The following CLPX variants were observed in gnomAD, a reference collection of about 807,000 sequenced individuals.
CLPX encodes the protein ATP-dependent clpX-like chaperone, mitochondrial.
Under a neutral mutation model 76.4 loss-of-function variants are expected in CLPX, and 34 were observed. That is an observed-to-expected ratio of 0.45 (90% confidence interval 0.34 to 0.59). CLPX has a LOEUF of 0.59. CLPX is among the 20% of genes least tolerant of loss of function. The pLI is 0.01. For synonymous variants in CLPX, 248 were observed against 270.9 expected (o/e 0.92, Z 0.83); for missense variants, 613 against 757.0 (o/e 0.81, Z 2.23).
At chr15:65,166,272 G>C (rs1424293636) in intron 4 of CLPX, among the ~76,000 whole-genome samples, 1 of 151,998 alleles carries the variant, frequency 6.6e-6, no homozygotes, top group East Asian at 1.9e-4. Context: ...GGCTAGTCAA[G>C]TGGACCAGCC....
rs1293903902 is a variant in CLPX at position 65,179,923 on chromosome 15, AT to A, written c.240+120del. The A allele has an allele frequency of 1.7e-5, 10 of 585,180 alleles. No homozygotes were observed. In the African/African-American group the frequency reaches 1.9e-4, roughly 11 times the overall value. The allele number at this position is 585,180 out of a possible 1,614,324, so 36.2% of individuals were successfully genotyped here. A position where few individuals can be genotyped will look rare whatever the true frequency, so the allele number is the denominator to read the frequency against. Reference sequence around the variant, plus strand: ...CTAATTACATAAAATTATTCAGATCATTTTAGCTATCTCATATTTCCTACAG... The same window carrying A: ...CTAATTACATAAAATTATTCAGATCATTTAGCTATCTCATATTTCCTACAG... On this transcript the variant is annotated intron_variant, in intron 2 of 13. Transcript: ENST00000300107.
chr15:65,183,047 C>A (rs916854440), intron 1 of CLPX, among the ~76,000 whole-genome samples: 9 of 151,914 alleles, frequency 5.9e-5, no homozygotes, highest in African/African-American at 2.2e-4. Flanking sequence ...CCTGTAACCC[C>A]AGCTTACTCA....
intron 3 of CLPX, among the ~76,000 whole-genome samples, chr15:65,169,024 C>CTT (rs779469503): frequency 3.0e-5 from 4 of 135,452 alleles, no homozygotes; most frequent in African/African-American, 8.1e-5. Flanking sequence ...CGCCTGCCTA[C>CTT]TTTTTTTTTT....
chr15:65,165,407 G>A (rs1358435885), intron 4 of CLPX, among the ~76,000 whole-genome samples: 10 of 129,214 alleles, frequency 7.7e-5, no homozygotes, highest in South Asian at 2.4e-4. Context: ...TTTTTGAGAC[G>A]GAGTCTCGCT....
chr15:65,177,649 C>T (rs2088106831), intron 3 of CLPX, among the ~76,000 whole-genome samples: 1 of 152,118 alleles, frequency 6.6e-6, no homozygotes, highest in South Asian at 2.1e-4. Context: ...GGAAGGCTGA[C>T]ATGGTGGTAC....
At position 65,183,443 on chromosome 15, in the gene CLPX, A is replaced by G. The variant is rs2088205735; in HGVS notation, c.79+1632T>C. ...GCCACTGCACTCCAGCCTGAGCGAC[A>G]GAGCGAGACTCTGTCTCAAAAAAAA... On this transcript the variant is annotated intron_variant, in intron 1 of 13. Transcript: ENST00000300107. Among the ~76,000 whole-genome samples the G allele has an allele frequency of 3.5e-5, 5 of 140,970 alleles. No homozygotes were observed. The Admixed American group carries it at 3.6e-4, about 10-fold the overall frequency. 92.5% of individuals were successfully genotyped at this position (140,970 alleles called of 152,430 possible).
At chr15:65,168,262 T>C (rs1254871960) in intron 3 of CLPX, among the ~76,000 whole-genome samples, 1 of 149,928 alleles carries the variant, frequency 6.7e-6, no homozygotes, top group Non-Finnish European at 1.5e-5. Context: ...TGGGCGCCTG[T>C]AGTCCCAGCT....
In CLPX at chr15:65,155,079, A is replaced by G. The variant is rs549822242; in HGVS notation, c.1314T>C (p.Tyr438=). 66 of 1,610,968 alleles carry G rather than the reference A, an allele frequency of 4.1e-5. No individual in the cohort carries two copies. In the South Asian group the frequency reaches 6.6e-4, roughly 16 times the overall value. The change falls in exon 11 of 14, where the codon TAT becomes TAC. Residue 438 remains tyrosine, a splice_region_variant and synonymous_variant. Coordinates refer to ENST00000300107, the MANE Select transcript of CLPX (RefSeq NM_006660.5). ...RIISRRKNEK[Y]LGFGTPSNLG... ...GATTAGATGGTGTTCCAAATCCAAG[A>G]TACTGCCAAAGAAATGATGCATATT...
At position 65,155,721 on chromosome 15, in the gene CLPX, T is replaced by G; in HGVS notation, c.1282A>C (p.Arg428=). The G allele has an allele frequency of 3.1e-6, 5 of 1,612,734 alleles. No individual in the cohort carries two copies. Among genetic ancestry groups the G allele is most frequent in the Non-Finnish European group, 4.2e-6 (5 of 1,179,414 alleles). ...TCATTTTTCCTCCTGCTGATGATTC[T>G]GTCTAAACCATTGAAAGCACCAGAT... ...VASGAFNGLD[R]IISRRKNEKY... Residue 428 remains arginine, a synonymous_variant, in exon 10 of 14, where the codon AGA becomes CGA. Coordinates refer to ENST00000300107, the MANE Select transcript of CLPX (RefSeq NM_006660.5).
chr15:65,153,029 G>A (rs545514499), intron 12 of CLPX, among the ~76,000 whole-genome samples: 1 of 151,964 alleles, frequency 6.6e-6, no homozygotes, highest in African/African-American at 2.4e-5. Context: ...ATTTATAGGT[G>A]TGAGTTACCA....
chr15:65,183,845 C>A (rs2088215674), intron 1 of CLPX, among the ~76,000 whole-genome samples: 1 of 152,138 alleles, frequency 6.6e-6, no homozygotes, highest in Non-Finnish European at 1.5e-5. Context: ...AAAAGAAGGC[C>A]TGACACACAG....
chr15:65,171,002 T>C (rs2087997048), intron 3 of CLPX, among the ~76,000 whole-genome samples: 1 of 151,590 alleles, frequency 6.6e-6, no homozygotes, highest in African/African-American at 2.4e-5. Flanking sequence ...TTTGTACTTT[T>C]AGTAGAGATG....
Position 65,156,877 on chromosome 15 carries a change from T to C in CLPX, c.1113A>G (p.Gln371=), listed in dbSNP as rs764355437. The part of the protein sequence containing the change: ...DKIGSVPGIH[Q]LRDVGGEGVQ... ...CGCCTTCTCCACCTACATCCCGTAA[T>C]TGATGAATGCCTGGCACACTGCCAA... is the stretch of plus-strand genomic sequence containing the variant. The change falls in exon 9 of 14, where the codon CAA becomes CAG. Residue 371 remains glutamine, a synonymous_variant. Transcript: ENST00000300107. 2.2e-5 allele frequency: 35 copies of C among 1,613,516 alleles called. No homozygotes were observed. The highest frequency in any genetic ancestry group is 1.6e-4 in the Middle Eastern group (1 of 6,082).
chr15:65,151,175 T>C (rs1194678820), intron 13 of CLPX, among the ~76,000 whole-genome samples: 1 of 151,380 alleles, frequency 6.6e-6, no homozygotes, highest in Non-Finnish European at 1.5e-5. Context: ...TGAAACCCCA[T>C]CTCTACTAAA....
intron 2 of CLPX, 110 bp from the exon 3 acceptor site, chr15:65,179,161 C>A (rs1228881848): frequency 3.4e-6 from 2 of 588,074 alleles, no homozygotes; most frequent in Non-Finnish European, 6.0e-6. Context: ...TTCTATATTT[C>A]TAGGATGAAA....
Position 65,153,596 on chromosome 15 carries a change from C to A in CLPX, c.1655G>T (p.Arg552Ile). ...ACCTGTTTTTCGTTCTAGTGCCAAT[C>A]TGGCTATAGCTTTCAAAGCATCCTC... Reference protein sequence around the residue: ...VTEDALKAIARLALERKTGAR... With the variant: ...VTEDALKAIAILALERKTGAR... The change falls in exon 12 of 14, where the codon AGA becomes ATA. Residue 552 changes from arginine to isoleucine, a missense_variant. Arg to Ile is a moderately conservative substitution (Grantham distance 97). Coordinates refer to ENST00000300107, the MANE Select transcript of CLPX (RefSeq NM_006660.5). 1 of 1,596,454 alleles carries A rather than the reference C, an allele frequency of 6.3e-7. No individual in the cohort carries two copies. Among genetic ancestry groups the A allele is most frequent in the Admixed American group, 1.8e-5 (1 of 56,036 alleles).
At position 65,154,849 on chromosome 15, in the gene CLPX, A is replaced by T; in HGVS notation, c.1544T>A (p.Val515Glu). 6.2e-7 allele frequency: 1 copy of T among 1,614,180 alleles called. No homozygotes were observed. Among genetic ancestry groups the T allele is most frequent in the Non-Finnish European group, 8.5e-7 (1 of 1,179,968 alleles). ...ATTTCGTGGCTCAGTTAATATTTGT[A>T]CAAGTGTTTTCTCATCTAGGCTATG... is the stretch of plus-strand genomic sequence containing the variant. Reference protein sequence around the residue: ...PLHSLDEKTLVQILTEPRNAV... With the variant: ...PLHSLDEKTLEQILTEPRNAV... Residue 515 changes from valine to glutamate, a missense_variant, in exon 11 of 14, where the codon GTA (valine) becomes GAA (glutamate). Physicochemically the swap from Val to Glu is moderately radical, Grantham distance 121. Coordinates refer to ENST00000300107, the MANE Select transcript of CLPX (RefSeq NM_006660.5).
chr15:65,178,124 C>G (rs1296499128), intron 3 of CLPX, among the ~76,000 whole-genome samples: 4 of 152,154 alleles, frequency 2.6e-5, no homozygotes, highest in Non-Finnish European at 5.9e-5. Context: ...GTGTCTGAAT[C>G]ATTAATAATT....
chr15:65,153,576 T>C lies in CLPX; in HGVS notation c.1675A>G (p.Thr559Ala). Residue 559 changes from threonine (T) to alanine (A), a missense_variant, in exon 12 of 14, where the codon ACA becomes GCA. Transcript: ENST00000300107. Reference sequence around the variant, plus strand: ...ATGGACCGAAGGCCTCGTGCACCTGTTTTTCGTTCTAGTGCCAATCTGGCT... The same window carrying C: ...ATGGACCGAAGGCCTCGTGCACCTGCTTTTCGTTCTAGTGCCAATCTGGCT... ...AIARLALERKTGARGLRSIME... is the reference protein window; with the variant it reads ...AIARLALERKAGARGLRSIME... 1 of 1,600,852 alleles carries C rather than the reference T, an allele frequency of 6.2e-7. No individual in the cohort carries two copies. The highest frequency in any genetic ancestry group is 8.5e-7 in the Non-Finnish European group (1 of 1,174,346).
Sources: allele counts gnomAD v4.1 joint callset (sites outside exome capture counted in the v4.1 genomes callset), GRCh38; gene constraint gnomAD v4.1.1; transcripts MANE v1.5; gene names NCBI Gene and HGNC (gene_info 2026-07-23, HGNC 2026-07-21).